Variants in SCLY observed in about 807,000 individuals in gnomAD.
SCLY encodes selenocysteine lyase.
A neutral mutation model predicts 50.1 loss-of-function variants in SCLY; 38 were observed. That is an observed-to-expected ratio of 0.76 (90% CI 0.59 to 0.99). The LOEUF (loss-of-function observed/expected upper bound fraction) is 0.99. Ranked by LOEUF, SCLY falls within the 50% of genes least tolerant of loss-of-function variation. The pLI is 0.00. For missense variants in SCLY, 600 were observed against 620.0 expected (o/e 0.97, Z 0.34); for synonymous variants, 243 against 249.4 (o/e 0.97, Z 0.24).
chr2:238,096,250 C>A, intron 10 of SCLY: 1 of 164,564 alleles, frequency 6.1e-6, no homozygotes, highest in Non-Finnish European at 1.3e-5. Flanking sequence ...TAGGGTTTCC[C>A]TGTGTTGCCC....
chr2:238,071,839 T>C (rs1393148928), intron 4 of SCLY, among the ~76,000 whole-genome samples: 1 of 152,216 alleles, frequency 6.6e-6, no homozygotes, highest in Admixed American at 6.5e-5. Context: ...GCACTCCCTC[T>C]GTCTCCACAC....
Position 238,067,983 on chromosome 2 carries a change from C to A in SCLY, c.203-82C>A. 1.9e-6 allele frequency: 2 copies of A among 1,032,508 alleles called. No individual in the cohort carries two copies. The highest frequency in any genetic ancestry group is 2.1e-5 in the Admixed American group (1 of 46,702). The allele number at this position is 1,032,508 out of a possible 1,614,324, so 64.0% of individuals were successfully genotyped here. On this transcript the variant is annotated intron_variant, in intron 2 of 11. Coordinates refer to ENST00000254663, the MANE Select transcript of SCLY (RefSeq NM_016510.7). This position sits in a 1 kb window ranked among gnomAD's most constrained non-coding sequence, Gnocchi z 4.3. ...AACGGCCCACGCAGACCTCTTATTC[C>A]TTTGTATTTGGTTGTCCTTTTAGAT...
intron 4 of SCLY, among the ~76,000 whole-genome samples, chr2:238,071,550 G>A (rs1323784232): frequency 6.6e-6 from 1 of 152,220 alleles, no homozygotes; most frequent in Non-Finnish European, 1.5e-5. Context: ...GGGAGAGGTT[G>A]CAGTGAGCCA....
Position 238,098,859 on chromosome 2 carries a change from C to G in SCLY, c.*504C>G, listed in dbSNP as rs1315158398. 3.9e-5 allele frequency: 10 copies of G among 254,952 alleles called. No homozygotes were observed. The highest frequency in any genetic ancestry group is 5.8e-5 in the Non-Finnish European group (8 of 136,854). 15.8% of individuals were successfully genotyped at this position (254,952 alleles called of 1,614,324 possible). A position where few individuals can be genotyped will look rare whatever the true frequency, so the allele number is the denominator to read the frequency against. On this transcript the variant is annotated 3_prime_UTR_variant, in exon 12 of 12. Coordinates refer to ENST00000254663, the MANE Select transcript of SCLY (RefSeq NM_016510.7). ...TTGATTTTTTTGTTTTGATCATGGCCTCTACATGCACCTTTCCAGAGTGGT... is the reference window on the plus strand; with the variant it reads ...TTGATTTTTTTGTTTTGATCATGGCGTCTACATGCACCTTTCCAGAGTGGT...
intron 7 of SCLY, among the ~76,000 whole-genome samples, chr2:238,086,313 G>A (rs2065297286): frequency 6.6e-6 from 1 of 152,166 alleles, no homozygotes; most frequent in African/African-American, 2.4e-5. Context: ...TATCTGATGT[G>A]GTTCAAAATG....
At position 238,098,622 on chromosome 2, in the gene SCLY, ACCGCCC is replaced by A. The variant is rs1559254690; in HGVS notation, c.*268_*273del. ...GCCCACATAGGACCGCCCACATGGG[ACCGCCC>A]ACATGGGACCGCCCACATGGGACCG... is the stretch of plus-strand genomic sequence containing the variant. On this transcript the variant is annotated 3_prime_UTR_variant, in exon 12 of 12. Coordinates refer to ENST00000254663, the MANE Select transcript of SCLY (RefSeq NM_016510.7). The A allele has an allele frequency of 2.3e-3, 1,038 of 455,562 alleles. 41 individuals carry two copies. Among genetic ancestry groups the A allele is most frequent in the African/African-American group, 0.016 (785 of 47,894 alleles). 28.2% of individuals were successfully genotyped at this position (455,562 alleles called of 1,614,324 possible). A position where few individuals can be genotyped will look rare whatever the true frequency, so the allele number is the denominator to read the frequency against.
At chr2:238,095,006 G>T (rs1468873307) in intron 10 of SCLY, among the ~76,000 whole-genome samples, 1 of 152,072 alleles carries the variant, frequency 6.6e-6, no homozygotes, top group East Asian at 1.9e-4. Flanking sequence ...ATTGAGTCCA[G>T]CCTGGCCAAC....
At chr2:238,063,540 G>T (rs998156958) in intron 1 of SCLY, among the ~76,000 whole-genome samples, 2 of 152,174 alleles carry the variant, frequency 1.3e-5, no homozygotes, top group African/African-American at 4.8e-5. Context: ...GTTTTAAGCA[G>T]AGCTGCAGGG....
Position 238,082,134 on chromosome 2 carries a change from T to C in SCLY, c.702T>C (p.Ala234=). The C allele has an allele frequency of 6.2e-7, 1 of 1,613,102 alleles. No homozygotes were observed. Among genetic ancestry groups the C allele is most frequent in the South Asian group, 1.1e-5 (1 of 91,046 alleles). ...GLPPILVHTD[A]AQALGKQRVD... ...CTCCCATCCTCGTGCACACGGATGC[T>C]GCACAGGCCTTGGGGAAGCAGCGCG... is the stretch of plus-strand genomic sequence containing the variant. The change falls in exon 6 of 12, where the codon GCT becomes GCC. Residue 234 remains alanine (A), a synonymous_variant. Transcript: ENST00000254663.
Position 238,069,493 on chromosome 2 carries a change from G to C in SCLY, c.484+16G>C. 1 of 1,596,064 alleles carries C rather than the reference G, an allele frequency of 6.3e-7. No homozygotes were observed. The highest frequency in any genetic ancestry group is 8.5e-7 in the Non-Finnish European group (1 of 1,171,460). On this transcript the variant is annotated intron_variant, in intron 4 of 11. Coordinates refer to ENST00000254663, the MANE Select transcript of SCLY (RefSeq NM_016510.7). The surrounding 1 kb of genome is among the most constrained non-coding windows in gnomAD (Gnocchi z 5.0). ...CAAGTGGCAGGTGAGTGAGTGCAGGGTGGCCCTGGGACCAGCCTGCTGAGC... is the reference window on the plus strand; with the variant it reads ...CAAGTGGCAGGTGAGTGAGTGCAGGCTGGCCCTGGGACCAGCCTGCTGAGC...
rs1691308953 is a variant in SCLY, at chr2:238,098,581, C to CCGCCCACATAGAACCGTCCACATGGGAA, written c.*237_*238insAACCGTCCACATGGGAACGCCCACATAG. ...GCCGCATAGGACTGCCCACATGGGA[C>CCGCCCACATAGAACCGTCCACATGGGAA]CGCCCACATAGGACCGCCCACATAG... On this transcript the variant is annotated 3_prime_UTR_variant, in exon 12 of 12. Transcript: ENST00000254663. 1 of 321,900 alleles carries CCGCCCACATAGAACCGTCCACATGGGAA rather than the reference C, an allele frequency of 3.1e-6. No homozygotes were observed. Among genetic ancestry groups the CCGCCCACATAGAACCGTCCACATGGGAA allele is most frequent in the African/African-American group, 3.2e-5 (1 of 31,496 alleles). The allele number at this position is 321,900 out of a possible 1,614,324, so 19.9% of individuals were successfully genotyped here. A position where few individuals can be genotyped will look rare whatever the true frequency, so the allele number is the denominator to read the frequency against.
chr2:238,077,725 G>C (rs867473262), intron 4 of SCLY, among the ~76,000 whole-genome samples: 1 of 152,152 alleles, frequency 6.6e-6, no homozygotes, highest in African/African-American at 2.4e-5. Context: ...AGACTTTCCC[G>C]GCCAGGCAGT....
chr2:238,071,767 G>T (rs995054016), intron 4 of SCLY, among the ~76,000 whole-genome samples: 1 of 152,136 alleles, frequency 6.6e-6, no homozygotes. Context: ...CCAGTTCTTG[G>T]TTTATCAACA....
At chr2:238,072,925 AAG>A (rs2065140916) in intron 4 of SCLY, among the ~76,000 whole-genome samples, 2 of 152,172 alleles carry the variant, frequency 1.3e-5, no homozygotes. Context: ...TGTCATGTCT[AAG>A]AAGATTTTGT....
intron 4 of SCLY, among the ~76,000 whole-genome samples, chr2:238,077,800 G>T (rs1370432332): frequency 6.6e-6 from 1 of 152,150 alleles, no homozygotes; most frequent in Non-Finnish European, 1.5e-5. Context: ...TCTTGTAAGA[G>T]CACTGCCAGA....
chr2:238,097,851 G>T (rs2065456016), intron 11 of SCLY, among the ~76,000 whole-genome samples: 2 of 152,026 alleles, frequency 1.3e-5, no homozygotes, highest in African/African-American at 2.4e-5. Flanking sequence ...GGGCCGCATG[G>T]GTAAGGCACT....
In SCLY at chr2:238,099,375, C is replaced by G. The variant is rs769056082; in HGVS notation, c.*1020C>G. 2 of 466,104 alleles carry G rather than the reference C, an allele frequency of 4.3e-6. No homozygotes were observed. The highest frequency in any genetic ancestry group is 8.9e-6 in the Non-Finnish European group (2 of 224,980). The allele number at this position is 466,104 out of a possible 1,614,324, so 28.9% of individuals were successfully genotyped here. ...TTGATGATTTTGAGGAAACACTTGC[C>G]AGAAACTAAATTAACGAATAAAAGA... On this transcript the variant is annotated 3_prime_UTR_variant, in exon 12 of 12. Transcript: ENST00000254663.
intron 4 of SCLY, among the ~76,000 whole-genome samples, chr2:238,078,142 C>T (rs1010469008): frequency 3.3e-5 from 5 of 151,942 alleles, no homozygotes; most frequent in African/African-American, 7.2e-5. Context: ...TTAGTAGAGA[C>T]GGGGTTTCAC....
chr2:238,081,400 T>C, intron 4 of SCLY: 1 of 308,516 alleles, frequency 3.2e-6, no homozygotes, highest in Non-Finnish European at 6.2e-6. Context: ...ACTAGGACCC[T>C]CCCCAAAAGC....
Sources: allele counts gnomAD v4.1 joint callset (sites outside exome capture counted in the v4.1 genomes callset), GRCh38; gene constraint gnomAD v4.1.1; non-coding constraint Gnocchi (gnomAD v3.1); transcripts MANE v1.5; gene names NCBI Gene and HGNC (gene_info 2026-07-23, HGNC 2026-07-21).